The following ZNF563 variants were observed in gnomAD, a reference collection of about 807,000 sequenced individuals.
ZNF563 encodes zinc finger protein 563.
A neutral mutation model predicts 48.5 loss-of-function variants in ZNF563; 39 were observed. That is an observed-to-expected ratio of 0.80 (90% CI 0.62 to 1.05). The LOEUF is 1.05. Among genes scored for constraint, ZNF563 ranks in the 50% least tolerant of loss-of-function variants. The pLI is 0.00. For synonymous variants in ZNF563, 168 were observed against 187.9 expected (o/e 0.89, Z 0.87); for missense variants, 538 against 597.0 (o/e 0.90, Z 1.03).
Position 12,322,719 on chromosome 19 carries a change from A to G in ZNF563, c.4-8T>C. ...CTCAAAGGCCACTGCGTCCTGAAAC[A>G]TCCCACATAGATAGAGGAGAAAGGT... is the stretch of plus-strand genomic sequence containing the variant. On this transcript the variant is annotated splice_region_variant and splice_polypyrimidine_tract_variant and intron_variant, in intron 1 of 3. Coordinates refer to ENST00000293725, the MANE Select transcript of ZNF563 (RefSeq NM_145276.3). 1 of 1,595,572 alleles carries G rather than the reference A, an allele frequency of 6.3e-7. No homozygotes were observed. Among genetic ancestry groups the G allele is most frequent in the Non-Finnish European group, 8.5e-7 (1 of 1,170,376 alleles).
At chr19:12,335,794 A>G (rs753891839), upstream of ZNF563, among the ~76,000 whole-genome samples, 4 of 152,246 alleles carry the variant, frequency 2.6e-5, no homozygotes, top group Admixed American at 1.3e-4. Flanking sequence ...TACTCTTTCA[A>G]TCTAATCACA....
At position 12,319,814 on chromosome 19, in the gene ZNF563, AT is replaced by A. The variant is rs1314577928; in HGVS notation, c.210del (p.Arg70SerfsTer23). ...TGACTACTGTCTTTACTTTCACTGA[AT>A]CTCTCTACCATATGACATCTGTAAA... Reference protein sequence around the residue: ...RRNLRCHMVERFSESKDSSQC... With the variant: ...RRNLRCHMVEXFSESKDSSQC... On this transcript the variant is annotated frameshift_variant, in exon 4 of 4. Coordinates refer to ENST00000293725, the MANE Select transcript of ZNF563 (RefSeq NM_145276.3). LOFTEE classifies it high-confidence loss of function. 6.2e-7 allele frequency: 1 copy of A among 1,612,738 alleles called. No individual in the cohort carries two copies. The highest frequency in any genetic ancestry group is 1.3e-5 in the African/African-American group (1 of 74,860).
At chr19:12,327,438 C>A (rs1337002331) in intron 1 of ZNF563, among the ~76,000 whole-genome samples, 1 of 133,598 alleles carries the variant, frequency 7.5e-6, no homozygotes, top group South Asian at 2.3e-4. Context: ...CCAGCCTGGG[C>A]GACAGAGTGA....
chr19:12,345,709 G>GT, the ZNF563 span, among the ~76,000 whole-genome samples: 1 of 152,018 alleles, frequency 6.6e-6, no homozygotes, highest in East Asian at 1.9e-4. Flanking sequence ...GTCAGGAATT[G>GT]GAGACCAGCC....
intron 1 of ZNF563, among the ~76,000 whole-genome samples, chr19:12,324,720 G>GAAAAAAAA (rs61639995): frequency 1.8e-5 from 1 of 56,806 alleles, no homozygotes; most frequent in African/African-American, 6.0e-5. Flanking sequence ...TCCGTCTCAA[G>GAAAAAAAA]AAAAAAAAAA....
the ZNF563 span, among the ~76,000 whole-genome samples, chr19:12,341,243 G>C: frequency 6.6e-6 from 1 of 152,014 alleles, no homozygotes; most frequent in Admixed American, 6.6e-5. Flanking sequence ...GTAGATCTGC[G>C]GTTTTGCCAT....
intron 3 of ZNF563, among the ~76,000 whole-genome samples, chr19:12,320,846 A>G (rs1357978657): frequency 4.6e-5 from 7 of 152,266 alleles, no homozygotes; most frequent in African/African-American, 1.4e-4. Context: ...TTTTTTAAGA[A>G]TAAATAAATT....
the ZNF563 span, chr19:12,347,037 T>C: frequency 2.0e-5 from 3 of 152,332 alleles, no homozygotes; most frequent in East Asian, 5.8e-4. Context: ...GTATTCTAGT[T>C]TGTACCAGCA....
intron 1 of ZNF563, among the ~76,000 whole-genome samples, chr19:12,324,211 A>T (rs1183392260): frequency 2.0e-5 from 3 of 152,006 alleles, no homozygotes; most frequent in Admixed American, 2.0e-4. Context: ...ATACAAAAAA[A>T]TTAGCCGGGC....
intron 1 of ZNF563, among the ~76,000 whole-genome samples, chr19:12,323,642 T>C (rs1158963006): frequency 2.0e-5 from 3 of 152,202 alleles, no homozygotes; most frequent in Admixed American, 1.3e-4. Context: ...ACAAATATTG[T>C]TCCTTATAAA....
chr19:12,317,887 C>T lies in ZNF563; in HGVS notation c.*707G>A, dbSNP rs1968475072. 5.3e-6 allele frequency: 1 copy of T among 187,336 alleles called. No homozygotes were observed. Among genetic ancestry groups the T allele is most frequent in the South Asian group, 1.3e-4 (1 of 7,558 alleles). The allele number at this position is 187,336 out of a possible 1,614,324, so 11.6% of individuals were successfully genotyped here. On this transcript the variant is annotated 3_prime_UTR_variant, in exon 4 of 4. Coordinates refer to ENST00000293725, the MANE Select transcript of ZNF563 (RefSeq NM_145276.3). ...AAAGAATACTTCCCTACATTTCACA[C>T]ATTTATAGAGTATCTCTCCAGTGAG...
intron 1 of ZNF563, among the ~76,000 whole-genome samples, chr19:12,324,657 C>T (rs899742634): frequency 1.5e-5 from 2 of 133,046 alleles, no homozygotes; most frequent in Non-Finnish European, 3.1e-5. Flanking sequence ...GCAGAGGTTG[C>T]GGTGAGCCGA....
intron 1 of ZNF563, among the ~76,000 whole-genome samples, chr19:12,327,415 G>A (rs1379492578): frequency 6.8e-6 from 1 of 147,778 alleles, no homozygotes; most frequent in East Asian, 2.0e-4. Flanking sequence ...AGCCAAGATC[G>A]TGCCACTGCA....
Position 12,319,254 on chromosome 19 carries a change from C to T in ZNF563, c.771G>A (p.Gln257=). ...TGGAATCAGGCAAGGCTTTAGAACA[C>T]TGCTTACATTCATACGGTTTCTCCC... ...HTGEKPYECK[Q]CSKALPDSSS... The change falls in exon 4 of 4, where the codon CAG becomes CAA. Residue 257 remains glutamine, a synonymous_variant. Coordinates refer to ENST00000293725, the MANE Select transcript of ZNF563 (RefSeq NM_145276.3). The T allele has an allele frequency of 6.2e-7, 1 of 1,614,002 alleles. No homozygotes were observed. Among genetic ancestry groups the T allele is most frequent in the Non-Finnish European group, 8.5e-7 (1 of 1,179,970 alleles).
the ZNF563 span, among the ~76,000 whole-genome samples, chr19:12,340,676 C>T: frequency 7.4e-4 from 113 of 152,124 alleles, no homozygotes; most frequent in African/African-American, 2.6e-3. Flanking sequence ...ACTCAGGAGG[C>T]TGAGACAAGA....
upstream of ZNF563, among the ~76,000 whole-genome samples, chr19:12,338,204 T>C (rs897501710): frequency 3.3e-5 from 5 of 152,198 alleles, no homozygotes; most frequent in Non-Finnish European, 7.3e-5. Flanking sequence ...TCTCCCCACC[T>C]AGACAACAGT....
Position 12,333,592 on chromosome 19 carries a change from G to A in ZNF563, c.-110C>T, listed in dbSNP as rs1321868080. ...CGTTCCAGGGCGTCTCTCAGCGACT[G>A]AGGCTACACAGACGTTCCAGGGCGT... On this transcript the variant is annotated 5_prime_UTR_variant, in exon 1 of 4. Coordinates refer to ENST00000293725, the MANE Select transcript of ZNF563 (RefSeq NM_145276.3). 25 of 1,492,110 alleles carry A rather than the reference G, an allele frequency of 1.7e-5. No homozygotes were observed. Among genetic ancestry groups the A allele is most frequent in the Non-Finnish European group, 2.3e-5 (25 of 1,093,626 alleles). The allele number at this position is 1,492,110 out of a possible 1,614,324, so 92.4% of individuals were successfully genotyped here.
At chr19:12,338,839 T>G in the ZNF563 span, among the ~76,000 whole-genome samples, 1 of 151,762 alleles carries the variant, frequency 6.6e-6, no homozygotes, top group Non-Finnish European at 1.5e-5. Context: ...GCAACAAGAC[T>G]GAGACTCCAT....
intron 1 of ZNF563, among the ~76,000 whole-genome samples, chr19:12,333,278 C>G (rs982168340): frequency 1.1e-4 from 17 of 152,214 alleles, no homozygotes; most frequent in African/African-American, 4.1e-4. Context: ...CGCGCAGGGA[C>G]CGGATAGGAC....
Sources: gnomAD v4.1 joint callset for allele counts (sites outside exome capture counted in the v4.1 genomes callset) on GRCh38, gnomAD v4.1.1 for gene constraint, MANE v1.5 for transcripts, NCBI Gene and HGNC (gene_info 2026-07-23, HGNC 2026-07-21) for gene names.